The following GRAMD4 variants were observed in gnomAD, a reference collection of about 807,000 sequenced individuals.
GRAMD4 encodes the protein GRAM domain containing 4, also known as GRAM domain-containing protein 4.
Under a neutral mutation model 83.9 loss-of-function variants are expected in GRAMD4, and 25 were observed. The ratio of observed to expected loss-of-function variants is 0.30; its 90% confidence interval spans 0.22 to 0.42. The LOEUF is 0.42. GRAMD4 is among the 10% of genes least tolerant of loss of function. GRAMD4 has a pLI of 1.00. For synonymous variants in GRAMD4, 336 were observed against 320.9 expected (o/e 1.05, Z -0.50); for missense variants, 593 against 788.7 (o/e 0.75, Z 2.97).
At chr22:46,598,214 T>C (rs551645404) in intron 1 of GRAMD4, among the ~76,000 whole-genome samples, 40 of 152,186 alleles carry the variant, frequency 2.6e-4, no homozygotes, top group Admixed American at 2.5e-3. Context: ...ACTCCTGGCC[T>C]CAAGTGATCC....
chr22:46,618,360 A>G (rs1004893798), upstream of GRAMD4, among the ~76,000 whole-genome samples: 1 of 151,566 alleles, frequency 6.6e-6, no homozygotes, highest in Non-Finnish European at 1.5e-5. This position sits in a 1 kb window ranked among gnomAD's most constrained non-coding sequence, Gnocchi z 5.8. Context: ...CAAGGACCCC[A>G]CGTCAAACCA....
rs1013182786 is a variant in GRAMD4, at chr22:46,672,066, G to A, written c.1085-777G>A. Among the ~76,000 whole-genome samples, 8 of 152,266 alleles carry A rather than the reference G, an allele frequency of 5.3e-5. No homozygotes were observed. The highest frequency in any genetic ancestry group is 1.2e-4 in the Non-Finnish European group (8 of 68,052). ...ACTGGGGGCAGCGAGACAGCCCCCA[G>A]CACTGGGAGGGGCACCCGGAGAGAC... On this transcript the variant is annotated intron_variant, in intron 13 of 18. Coordinates refer to ENST00000406902, the MANE Select transcript of GRAMD4 (RefSeq NM_015124.5). The surrounding 1 kb of genome is among the most constrained non-coding windows in gnomAD (Gnocchi z 4.7).
chr22:46,651,035 C>G (rs1042122174), intron 3 of GRAMD4, among the ~76,000 whole-genome samples: 1 of 152,216 alleles, frequency 6.6e-6, no homozygotes, highest in Non-Finnish European at 1.5e-5. Flanking sequence ...CCTGGCCCAT[C>G]GGGTGGCCAT....
intron 2 of GRAMD4, among the ~76,000 whole-genome samples, chr22:46,627,811 T>G (rs1311145749): frequency 6.6e-6 from 1 of 152,206 alleles, no homozygotes; most frequent in Non-Finnish European, 1.5e-5. Flanking sequence ...AATTAATAAT[T>G]TACTGCTGCT....
At chr22:46,626,984 C>A (rs751243677) in intron 2 of GRAMD4, 23 bp downstream of exon 2, 1 of 1,568,422 alleles carries the variant, frequency 6.4e-7, no homozygotes, top group Non-Finnish European at 8.8e-7. Context: ...CCTCGTCCCC[C>A]GGTGTGGGCT....
chr22:46,657,133 C>T (rs2082255789), intron 3 of GRAMD4, among the ~76,000 whole-genome samples: 1 of 152,228 alleles, frequency 6.6e-6, no homozygotes, highest in Non-Finnish European at 1.5e-5. Flanking sequence ...TTGGGCTGGG[C>T]AGGGGACACC....
chr22:46,639,360 C>G (rs758890573), intron 3 of GRAMD4, among the ~76,000 whole-genome samples: 8 of 94,450 alleles, frequency 8.5e-5, no homozygotes, highest in Non-Finnish European at 1.9e-4. Flanking sequence ...TGTGTGTGCA[C>G]GTACGTGCAC....
intron 3 of GRAMD4, among the ~76,000 whole-genome samples, chr22:46,657,981 C>T (rs955625516): frequency 1.3e-5 from 2 of 152,186 alleles, no homozygotes; most frequent in African/African-American, 4.8e-5. Context: ...GTTACTAGCT[C>T]CTGCCCAGGA....
chr22:46,597,779 A>G (rs1210949010), intron 1 of GRAMD4, among the ~76,000 whole-genome samples: 1 of 152,152 alleles, frequency 6.6e-6, no homozygotes, highest in Non-Finnish European at 1.5e-5. Flanking sequence ...ATGAGCTACC[A>G]CGCCCGGCCT....
intron 10 of GRAMD4, among the ~76,000 whole-genome samples, 181 bp from the exon 11 acceptor site, chr22:46,667,915 T>C (rs951247189): frequency 6.6e-6 from 1 of 152,172 alleles, no homozygotes; most frequent in African/African-American, 2.4e-5. Context: ...CGGGGTGAGA[T>C]GTCACCATCA....
At chr22:46,634,424 C>T (rs995359043) in intron 2 of GRAMD4, among the ~76,000 whole-genome samples, 1 of 152,212 alleles carries the variant, frequency 6.6e-6, no homozygotes, top group Non-Finnish European at 1.5e-5. Flanking sequence ...TCTCCAAACA[C>T]CAGCCCAAGG....
intron 6 of GRAMD4, 75 bp downstream of exon 6, chr22:46,663,247 C>T (rs1368680067): frequency 6.4e-6 from 9 of 1,413,362 alleles, no homozygotes; most frequent in South Asian, 2.4e-5. Context: ...AGCGGGTGGG[C>T]CATCCTTTAT....
chr22:46,645,758 G>C (rs1343918436), intron 3 of GRAMD4, among the ~76,000 whole-genome samples: 1 of 152,216 alleles, frequency 6.6e-6, no homozygotes, highest in Non-Finnish European at 1.5e-5. Context: ...GAAGGCAGGA[G>C]CCTAAATTTG....
At chr22:46,596,342 C>T (rs1019942427) in intron 1 of GRAMD4, among the ~76,000 whole-genome samples, 9 of 152,236 alleles carry the variant, frequency 5.9e-5, no homozygotes, top group African/African-American at 2.2e-4. Context: ...ATGTCCCTGG[C>T]GGCCCTTTCT....
intron 2 of GRAMD4, among the ~76,000 whole-genome samples, chr22:46,635,125 C>G (rs893161305): frequency 1.4e-5 from 2 of 145,706 alleles, no homozygotes; most frequent in African/African-American, 5.3e-5. Flanking sequence ...CCACTCCTGT[C>G]CTGGGGAACC....
At chr22:46,661,248 A>G in intron 4 of GRAMD4, 133 bp from the exon 5 acceptor site, 1 of 667,276 alleles carries the variant, frequency 1.5e-6, no homozygotes, top group South Asian at 1.8e-5. Context: ...AGCAGTGGAG[A>G]CTCTGGAGAG....
chr22:46,644,345 C>G (rs1268269797), intron 3 of GRAMD4, among the ~76,000 whole-genome samples: 1 of 152,044 alleles, frequency 6.6e-6, no homozygotes, highest in Non-Finnish European at 1.5e-5. Context: ...TGTTTCTGTT[C>G]CGTGTTATAC....
chr22:46,674,615 A>G (rs375019888), intron 15 of GRAMD4, 42 bp from the exon 16 acceptor site: 28 of 1,317,828 alleles, frequency 2.1e-5, no homozygotes, highest in Non-Finnish European at 2.7e-5. Flanking sequence ...GAGGCTGGGT[A>G]CTTCCAGTGG....
chr22:46,682,523 G>A (rs1569314518), downstream of GRAMD4: 3 of 799,554 alleles, frequency 3.8e-6, no homozygotes, highest in Non-Finnish European at 4.5e-6. Context: ...GAACCCTCGG[G>A]ACTGCGACGA....
Sources: gnomAD v4.1 joint callset for allele counts (sites outside exome capture counted in the v4.1 genomes callset) on GRCh38, gnomAD v4.1.1 for gene constraint, Gnocchi (gnomAD v3.1) non-coding constraint, MANE v1.5 for transcripts, NCBI Gene and HGNC (gene_info 2026-07-23, HGNC 2026-07-21) for gene names.